Variants in TENM4 observed in about 807,000 individuals in gnomAD.
TENM4 encodes the protein teneurin transmembrane protein 4, also known as teneurin-4.
In TENM4, 82 loss-of-function variants were observed where a neutral mutation model predicts 243.3. The ratio of observed to expected loss-of-function variants is 0.34; its 90% confidence interval spans 0.28 to 0.40. TENM4 has a LOEUF of 0.40. TENM4 is among the 10% of genes least tolerant of loss of function. The probability of loss-of-function intolerance (pLI) is 1.00; values close to 1 mark genes in which losing one functional copy is unlikely to be tolerated. For missense variants in TENM4, 3,138 were observed against 3,673.3 expected (o/e 0.85, Z 3.77); for synonymous variants, 1,412 against 1,456.3 (o/e 0.97, Z 0.69).
At chr11:78,747,635 C>T (rs1294243779) in intron 19 of TENM4, among the ~76,000 whole-genome samples, 1 of 152,170 alleles carries the variant, frequency 6.6e-6, no homozygotes, top group African/African-American at 2.4e-5. Flanking sequence ...CGCATCCCTC[C>T]CTGTCAAGCC....
intron 4 of TENM4, among the ~76,000 whole-genome samples, chr11:79,142,137 C>A (rs968471048): frequency 2.0e-5 from 3 of 151,950 alleles, no homozygotes; most frequent in African/African-American, 7.2e-5. Flanking sequence ...CTAGAGCAAT[C>A]AGACAAGAGA....
At position 79,098,914 on chromosome 11, in the gene TENM4, C is replaced by G. The variant is rs530243404; in HGVS notation, c.-65-28905G>C. The stretch of plus-strand genomic sequence containing the variant: ...AATGAGTCAACTTCTCTGACCTTCA[C>G]TTTCCCCATCTATAAAGTAGGGATA... On this transcript the variant is annotated intron_variant, in intron 4 of 33. Coordinates refer to ENST00000278550, the MANE Select transcript of TENM4 (RefSeq NM_001098816.3). Among the ~76,000 whole-genome samples, 309 of 152,368 alleles carry G rather than the reference C, an allele frequency of 2.0e-3. 1 individual carries two copies. Among genetic ancestry groups the G allele is most frequent in the African/African-American group, 7.1e-3 (296 of 41,586 alleles).
chr11:78,819,072 G>A (rs1052992144), intron 12 of TENM4, among the ~76,000 whole-genome samples: 2 of 152,098 alleles, frequency 1.3e-5, no homozygotes, highest in Admixed American at 6.6e-5. Context: ...TGTGTTGTGA[G>A]TGGGAGTGTT....
intron 4 of TENM4, among the ~76,000 whole-genome samples, chr11:79,081,190 C>T (rs1860662036): frequency 6.6e-6 from 1 of 152,230 alleles, no homozygotes; most frequent in African/African-American, 2.4e-5. Flanking sequence ...CTCTTTTCCT[C>T]TGTCTTCTCA....
At chr11:78,904,772 A>T (rs771922041) in intron 6 of TENM4, among the ~76,000 whole-genome samples, 3 of 152,220 alleles carry the variant, frequency 2.0e-5, no homozygotes, top group Non-Finnish European at 4.4e-5. Context: ...TGGAGCAGGT[A>T]AGTAAAGTGC....
intron 2 of TENM4, among the ~76,000 whole-genome samples, chr11:79,250,393 G>A (rs1855590157): frequency 6.6e-6 from 1 of 152,234 alleles, no homozygotes. Flanking sequence ...TCAGGCATAG[G>A]TAGGAAGTGG....
chr11:79,381,628 A>T (rs1858005927), intron 1 of TENM4, among the ~76,000 whole-genome samples: 1 of 150,718 alleles, frequency 6.6e-6, no homozygotes, highest in Non-Finnish European at 1.5e-5. Flanking sequence ...GTCAGTAAGC[A>T]TTGGGATATT....
intron 6 of TENM4, among the ~76,000 whole-genome samples, chr11:78,989,780 A>G (rs1200390282): frequency 6.6e-6 from 1 of 152,152 alleles, no homozygotes; most frequent in Non-Finnish European, 1.5e-5. Context: ...TAGGCTGGGC[A>G]CCATGGCTCA....
intron 3 of TENM4, among the ~76,000 whole-genome samples, chr11:79,171,171 G>C (rs1008012700): frequency 6.6e-6 from 1 of 152,180 alleles, no homozygotes; most frequent in Non-Finnish European, 1.5e-5. Context: ...AAGAATTTGT[G>C]TCAGAGTCCC....
At chr11:78,890,665 C>T (rs993792611) in intron 8 of TENM4, among the ~76,000 whole-genome samples, 1 of 152,174 alleles carries the variant, frequency 6.6e-6, no homozygotes, top group African/African-American at 2.4e-5. Flanking sequence ...CCTCCCAAGT[C>T]CAAGGTGAAA....
rs189372447 is a variant in TENM4 at position 79,168,644 on chromosome 11, A to G, written c.-162-19838T>C. 2.9e-3 allele frequency among the ~76,000 whole-genome samples: 442 copies of G among 152,292 alleles called. 4 individuals carry two copies. The highest frequency in any genetic ancestry group is 0.01 in the African/African-American group (418 of 41,556). ...AGAAAGCAAAGCTCTTTGTGCTTGCAGTAGATTCACCGCAAAATGAACACA... is the reference window on the plus strand; with the variant it reads ...AGAAAGCAAAGCTCTTTGTGCTTGCGGTAGATTCACCGCAAAATGAACACA... On this transcript the variant is annotated intron_variant, in intron 3 of 33. Coordinates refer to ENST00000278550, the MANE Select transcript of TENM4 (RefSeq NM_001098816.3).
chr11:78,940,160 T>G (rs1055259771), intron 6 of TENM4, among the ~76,000 whole-genome samples: 4 of 152,190 alleles, frequency 2.6e-5, no homozygotes, highest in Non-Finnish European at 4.4e-5. Flanking sequence ...TTTATCAAAT[T>G]AGGTTCATAC....
intron 9 of TENM4, among the ~76,000 whole-genome samples, chr11:78,881,010 A>C (rs558236635): frequency 6.6e-6 from 1 of 152,342 alleles, no homozygotes; most frequent in East Asian, 1.9e-4. Flanking sequence ...CCAGTTTGTC[A>C]AAATTCATAC....
intron 1 of TENM4, among the ~76,000 whole-genome samples, chr11:79,322,798 T>A (rs1167748443): frequency 6.6e-6 from 1 of 152,216 alleles, no homozygotes; most frequent in Non-Finnish European, 1.5e-5. Flanking sequence ...GTTTACTGCA[T>A]AAAAATAAAT....
At chr11:78,744,790 G>C (rs1206264218) in intron 19 of TENM4, among the ~76,000 whole-genome samples, 1 of 152,190 alleles carries the variant, frequency 6.6e-6, no homozygotes, top group Non-Finnish European at 1.5e-5. Context: ...TTGGTGCAAG[G>C]TTTGATGAGT....
chr11:78,832,130 A>G (rs1396511614), intron 12 of TENM4, among the ~76,000 whole-genome samples: 3 of 152,220 alleles, frequency 2.0e-5, no homozygotes, highest in African/African-American at 7.2e-5. Flanking sequence ...AGCCAGTCTC[A>G]GGAGGTTTCC....
chr11:79,250,006 G>A (rs1855582460), intron 2 of TENM4, among the ~76,000 whole-genome samples: 1 of 152,086 alleles, frequency 6.6e-6, no homozygotes, highest in African/African-American at 2.4e-5. Flanking sequence ...TCTTTTTTTA[G>A]ATGGAGTCTT....
rs983547626 is a variant in TENM4, at chr11:79,060,479, T to C, written c.493+4259A>G. On this transcript the variant is annotated intron_variant, in intron 6 of 33. Coordinates refer to ENST00000278550, the MANE Select transcript of TENM4 (RefSeq NM_001098816.3). Reference sequence around the variant, plus strand: ...TATCAATACTGTTGACAATTACTATTGACTAATGCAAGGCAGGGTGTGGAG... The same window carrying C: ...TATCAATACTGTTGACAATTACTATCGACTAATGCAAGGCAGGGTGTGGAG... Among the ~76,000 whole-genome samples the C allele has an allele frequency of 2.0e-5, 3 of 152,194 alleles. No homozygotes were observed. The East Asian group carries it at 5.8e-4, about 29-fold the overall frequency.
rs1859368844 is a variant in TENM4 at position 79,440,113 on chromosome 11, G to A, written c.-321+396C>T. Among the ~76,000 whole-genome samples the A allele has an allele frequency of 6.6e-6, 1 of 152,110 alleles. No homozygotes were observed. The highest frequency in any genetic ancestry group is 1.5e-5 in the Non-Finnish European group (1 of 67,986). On this transcript the variant is annotated intron_variant, in intron 1 of 33. Coordinates refer to ENST00000278550, the MANE Select transcript of TENM4 (RefSeq NM_001098816.3). This position sits in a 1 kb window ranked among gnomAD's most constrained non-coding sequence, Gnocchi z 4.7. Reference sequence around the variant, plus strand: ...CTCCTCCAGCGCCCGACGGGGGCCTGGGGCGAGCTAGTCTGCAGAGGGGCT... The same window carrying A: ...CTCCTCCAGCGCCCGACGGGGGCCTAGGGCGAGCTAGTCTGCAGAGGGGCT...
Sources: gnomAD v4.1 joint callset for allele counts (sites outside exome capture counted in the v4.1 genomes callset) on GRCh38, gnomAD v4.1.1 for gene constraint, Gnocchi (gnomAD v3.1) non-coding constraint, MANE v1.5 for transcripts, NCBI Gene and HGNC (gene_info 2026-07-23, HGNC 2026-07-21) for gene names.